PCBP3: variants seen among roughly 807,000 people sequenced by gnomAD.
PCBP3 encodes the protein poly(rC) binding protein 3.
Under a neutral mutation model 52.7 loss-of-function variants are expected in PCBP3, and 25 were observed. The ratio of observed to expected loss-of-function variants is 0.47; its 90% CI spans 0.35 to 0.66. The LOEUF is 0.66. PCBP3 is among the 30% of genes least tolerant of loss of function. PCBP3 has a pLI of 0.01. For missense variants in PCBP3, 391 were observed against 490.3 expected (o/e 0.80, Z 1.91); for synonymous variants, 162 against 183.0 (o/e 0.89, Z 0.93).
intron 6 of PCBP3, 25 bp downstream of exon 6, chr21:45,896,387 G>A: frequency 6.5e-7 from 1 of 1,549,720 alleles, no homozygotes; most frequent in Non-Finnish European, 8.7e-7. Context: ...CATTGTCTCT[G>A]TAGGAAAGGC....
chr21:45,901,119 CT>C lies in PCBP3; in HGVS notation c.339+7del, dbSNP rs1569473485. The stretch of plus-strand genomic sequence containing the variant: ...TCGCATACAAGTTTGAGGAGGTAAC[CT>C]GCACCCCAGGCACCTCTGCCAGCCT... On this transcript the variant is annotated splice_region_variant and intron_variant, in intron 9 of 17. Coordinates refer to ENST00000681687, the MANE Select transcript of PCBP3 (RefSeq NM_001384156.1). 12 of 1,590,368 alleles carry C rather than the reference CT, an allele frequency of 7.5e-6. No homozygotes were observed. Among genetic ancestry groups the C allele is most frequent in the Non-Finnish European group, 1.0e-5 (12 of 1,158,802 alleles).
At chr21:45,941,483 T>C (rs1056687488) in intron 17 of PCBP3, among the ~76,000 whole-genome samples, 187 bp from the exon 18 acceptor site, 4 of 152,134 alleles carry the variant, frequency 2.6e-5, no homozygotes, top group African/African-American at 9.7e-5. Context: ...GTGATGGGCA[T>C]GGCGGGGACC....
chr21:45,762,481 C>CTTCTCTTTT (rs1440812461), intron 4 of PCBP3: 18 of 106,050 alleles, frequency 1.7e-4, no homozygotes, highest in African/African-American at 5.3e-4. Flanking sequence ...TTTTTCTTTT[C>CTTCTCTTTT]TTTTCTTCTC....
At position 45,805,454 on chromosome 21, in the gene PCBP3, C is replaced by A. The variant is rs917343789; in HGVS notation, c.-125-44507C>A. Among the ~76,000 whole-genome samples the A allele has an allele frequency of 2.6e-5, 4 of 152,132 alleles. No individual in the cohort carries two copies. The highest frequency in any genetic ancestry group is 9.7e-5 in the African/African-American group (4 of 41,430). On this transcript the variant is annotated intron_variant, in intron 4 of 17. Transcript: ENST00000681687. This position sits in a 1 kb window ranked among gnomAD's most constrained non-coding sequence, Gnocchi z 4.6. ...TGGGCAGCCCTTCCTTCTGGAGCCC[C>A]CTGTCTTCCCTTATCCACTGCCTCA...
intron 2 of PCBP3, among the ~76,000 whole-genome samples, chr21:45,706,505 C>G (rs1050460694): frequency 6.6e-6 from 1 of 152,048 alleles, no homozygotes; most frequent in African/African-American, 2.4e-5. Flanking sequence ...TCTCTACTGC[C>G]CCCCTTTCCC....
intron 3 of PCBP3, among the ~76,000 whole-genome samples, chr21:45,747,130 C>G (rs2086967951): frequency 6.6e-6 from 1 of 152,084 alleles, no homozygotes; most frequent in South Asian, 2.1e-4. Flanking sequence ...ACAATCATGG[C>G]CAAAGACAAA....
In PCBP3 at chr21:45,653,481, C is replaced by G. The variant is rs187408802; in HGVS notation, c.-279+9613C>G. ...GACTTTAATTATTATGACTGGTTCT[C>G]TTTATATCTAGTAATTAATATTTGA... On this transcript the variant is annotated intron_variant, in intron 1 of 17. Coordinates refer to ENST00000681687, the MANE Select transcript of PCBP3 (RefSeq NM_001384156.1). 1.3e-3 allele frequency among the ~76,000 whole-genome samples: 199 copies of G among 151,898 alleles called. 2 individuals carry two copies. Among genetic ancestry groups the G allele is most frequent in the African/African-American group, 4.3e-3 (179 of 41,406 alleles).
At chr21:45,929,259 G>A (rs937786823) in intron 13 of PCBP3, among the ~76,000 whole-genome samples, 4 of 152,186 alleles carry the variant, frequency 2.6e-5, no homozygotes, top group Non-Finnish European at 4.4e-5. Context: ...GGCCCGAGGC[G>A]TCCCTCCCTC....
intron 2 of PCBP3, 168 bp downstream of exon 2, chr21:45,669,120 C>T (rs552890213): frequency 8.0e-4 from 122 of 152,244 alleles, no homozygotes; most frequent in African/African-American, 2.8e-3. Flanking sequence ...GCTTCTGCAT[C>T]ATCTCTTTTC....
chr21:45,687,540 C>A (rs1216177967), intron 2 of PCBP3, among the ~76,000 whole-genome samples: 2 of 151,940 alleles, frequency 1.3e-5, no homozygotes, highest in Non-Finnish European at 2.9e-5. Flanking sequence ...TAAATTTAAA[C>A]CCAACAGTAT....
intron 2 of PCBP3, among the ~76,000 whole-genome samples, chr21:45,672,000 C>T (rs994409237): frequency 1.3e-5 from 2 of 152,096 alleles, no homozygotes; most frequent in Admixed American, 6.6e-5. Flanking sequence ...ATATTTGTCC[C>T]CTCCAAAACT....
In PCBP3 at chr21:45,937,670, G is replaced by A. The variant is rs180735029; in HGVS notation, c.910-2360G>A. Among the ~76,000 whole-genome samples, 6 of 152,360 alleles carry A rather than the reference G, an allele frequency of 3.9e-5. No homozygotes were observed. In the East Asian group the frequency reaches 1.2e-3, roughly 29 times the overall value. ...ACACAAGGGTGAGGAGAGAGGAGGA[G>A]AGGAGTCTGCTAACTGCTGGCAGGG... On this transcript the variant is annotated intron_variant, in intron 16 of 17. Transcript: ENST00000681687.
intron 2 of PCBP3, among the ~76,000 whole-genome samples, chr21:45,685,405 A>C (rs2082090685): frequency 6.6e-6 from 1 of 152,208 alleles, no homozygotes; most frequent in Non-Finnish European, 1.5e-5. Flanking sequence ...GGTGAATTTT[A>C]TGTGTATTTT....
At chr21:45,722,561 T>C (rs2084728878) in intron 2 of PCBP3, among the ~76,000 whole-genome samples, 1 of 152,216 alleles carries the variant, frequency 6.6e-6, no homozygotes. Context: ...ATAGAGATTT[T>C]CATAGACAAA....
chr21:45,925,016 TGCGAACACCGGGAACA>T (rs2075170250), intron 13 of PCBP3, among the ~76,000 whole-genome samples: 1 of 95,644 alleles, frequency 1.0e-5, no homozygotes, highest in African/African-American at 5.1e-5. Context: ...CACGAGGAGA[TGCGAACACCGGGAACA>T]GTCGAGTGGG....
In PCBP3 at chr21:45,880,750, C is replaced by G. The variant is rs2095382544; in HGVS notation, c.11-15458C>G. Among the ~76,000 whole-genome samples, 1 of 152,150 alleles carries G rather than the reference C, an allele frequency of 6.6e-6. No homozygotes were observed. The highest frequency in any genetic ancestry group is 1.5e-5 in the Non-Finnish European group (1 of 68,026). On this transcript the variant is annotated intron_variant, in intron 5 of 17. Transcript: ENST00000681687. The surrounding 1 kb of genome is among the most constrained non-coding windows in gnomAD (Gnocchi z 5.4). ...TAGGTACAGCCTGGTAGGCAATACC[C>G]TCCAGAAGAAGGTCCTGATAAGTGG...
intron 2 of PCBP3, among the ~76,000 whole-genome samples, chr21:45,734,564 C>T (rs1233090487): frequency 1.3e-5 from 2 of 152,186 alleles, no homozygotes; most frequent in Non-Finnish European, 2.9e-5. Flanking sequence ...TTCCTCTCTG[C>T]CTTTGCCTCC....
In PCBP3 at chr21:45,658,038, T is replaced by C. The variant is rs560234954; in HGVS notation, c.-278-10836T>C. Among the ~76,000 whole-genome samples the C allele has an allele frequency of 4.6e-5, 7 of 152,334 alleles. No homozygotes were observed. The East Asian group carries it at 1.3e-3, about 29-fold the overall frequency. ...TCTCACCAGTAAGTATAGGTAGCTG[T>C]GAATTTTTATAGATGCCCTTAATTA... On this transcript the variant is annotated intron_variant, in intron 1 of 17. Transcript: ENST00000681687.
Position 45,821,509 on chromosome 21 carries a change from T to C in PCBP3, c.-125-28452T>C, listed in dbSNP as rs2093137419. ...TGCACCACGCTGTGGGCCCTGTGCC[T>C]TCCCCTAACTCATTTCTAGAATACT... On this transcript the variant is annotated intron_variant, in intron 4 of 17. Transcript: ENST00000681687. The surrounding 1 kb of genome is among the most constrained non-coding windows in gnomAD (Gnocchi z 4.4). Among the ~76,000 whole-genome samples the C allele has an allele frequency of 6.9e-6, 1 of 145,384 alleles. No homozygotes were observed. The highest frequency in any genetic ancestry group is 2.1e-4 in the East Asian group (1 of 4,766).
Sources: allele counts gnomAD v4.1 joint callset (sites outside exome capture counted in the v4.1 genomes callset), GRCh38; gene constraint gnomAD v4.1.1; non-coding constraint Gnocchi (gnomAD v3.1); transcripts MANE v1.5; gene names NCBI Gene and HGNC (gene_info 2026-07-23, HGNC 2026-07-21).